The following INSL6 variants were observed in gnomAD, a reference collection of about 807,000 sequenced individuals.
INSL6 encodes insulin-like peptide INSL6.
A neutral mutation model predicts 9.4 loss-of-function variants in INSL6; 16 were observed. That is an observed-to-expected ratio of 1.70 (90% CI 1.15 to 2.59). The LOEUF (loss-of-function observed/expected upper bound fraction) is 2.59, where lower values mean the gene tolerates loss of function less well. Ranked by LOEUF, INSL6 falls within the 30% of genes most tolerant of loss-of-function variation. INSL6 has a pLI of 0.00. For synonymous variants in INSL6, 154 were observed against 96.9 expected, an observed-to-expected ratio of 1.59 and a Z score of -3.46; for missense variants, 391 against 257.3, an observed-to-expected ratio of 1.52 and a Z score of -3.56.
the INSL6 span, chr9:5,108,723 G>A: frequency 6.6e-6 from 1 of 151,934 alleles, no homozygotes; most frequent in African/African-American, 2.4e-5. Context: ...ATCCCTATGA[G>A]GGATAGTTAT....
chr9:5,176,268 A>G (rs1204924013), intron 1 of INSL6, among the ~76,000 whole-genome samples: 1 of 152,156 alleles, frequency 6.6e-6, no homozygotes, highest in African/African-American at 2.4e-5. Context: ...CACCTTTTCA[A>G]TAATTGGTCT....
the INSL6 span, among the ~76,000 whole-genome samples, chr9:5,081,453 A>G: frequency 2.0e-5 from 3 of 152,178 alleles, no homozygotes; most frequent in Admixed American, 1.3e-4. Flanking sequence ...CTTTCTCACA[A>G]TAAGTATCAG....
At chr9:5,009,933 T>G in the INSL6 span, among the ~76,000 whole-genome samples, 2 of 152,162 alleles carry the variant, frequency 1.3e-5, no homozygotes, top group East Asian at 3.9e-4. Context: ...ACATGCTGGC[T>G]AATTTTTAGA....
the INSL6 span, among the ~76,000 whole-genome samples, chr9:5,093,973 A>G: frequency 1.3e-5 from 2 of 152,108 alleles, no homozygotes; most frequent in African/African-American, 4.8e-5. Context: ...CCCCCCATAA[A>G]TGATGCTATC....
At chr9:5,154,369 T>C (rs58037502) in intron 2 of INSL6, among the ~76,000 whole-genome samples, 53,120 of 151,356 alleles carry the variant, frequency 0.35, 9,906 homozygotes, top group African/African-American at 0.5. Context: ...CCATAAAAAC[T>C]GTAGAAGAAA....
chr9:5,184,229 T>C (rs1009188896), intron 1 of INSL6, among the ~76,000 whole-genome samples: 4 of 152,210 alleles, frequency 2.6e-5, no homozygotes, highest in African/African-American at 7.2e-5. Context: ...GGGTCTCTTT[T>C]TGGCATGATA....
At chr9:5,087,178 G>T in the INSL6 span, among the ~76,000 whole-genome samples, 1 of 152,178 alleles carries the variant, frequency 6.6e-6, no homozygotes, top group Non-Finnish European at 1.5e-5. Flanking sequence ...AATTTATAAA[G>T]GAAAGAGGTT....
At chr9:5,086,562 C>A in the INSL6 span, among the ~76,000 whole-genome samples, 1 of 152,090 alleles carries the variant, frequency 6.6e-6, no homozygotes, top group African/African-American at 2.4e-5. Flanking sequence ...ACCTTACCTC[C>A]TGCCATTATT....
chr9:5,005,071 C>CATGCCTGG, the INSL6 span, among the ~76,000 whole-genome samples: 1 of 128,678 alleles, frequency 7.8e-6, no homozygotes, highest in Admixed American at 8.7e-5. Flanking sequence ...CATGTGCCAG[C>CATGCCTGG]ATGCCTGGCT....
At chr9:5,139,861 A>G (rs1824463663) in intron 2 of INSL6, among the ~76,000 whole-genome samples, 1 of 152,224 alleles carries the variant, frequency 6.6e-6, no homozygotes, top group African/African-American at 2.4e-5. Context: ...AATTTTAATC[A>G]TTTAACAAAT....
the INSL6 span, among the ~76,000 whole-genome samples, chr9:5,113,336 G>A: frequency 6.7e-6 from 1 of 149,618 alleles, no homozygotes; most frequent in Admixed American, 6.7e-5. Context: ...GAGATGCTGT[G>A]GAAACTTGGC....
At chr9:5,117,838 T>TAC in the INSL6 span, among the ~76,000 whole-genome samples, 2 of 152,178 alleles carry the variant, frequency 1.3e-5, no homozygotes, top group African/African-American at 4.8e-5. Flanking sequence ...GGGGACGTTG[T>TAC]ATTAATGAGA....
the INSL6 span, chr9:5,050,652 C>G: frequency 1.3e-6 from 2 of 1,584,852 alleles, no homozygotes; most frequent in Non-Finnish European, 8.6e-7. Context: ...ATGAAACTTA[C>G]GATGAGATAT....
At chr9:5,141,249 T>C (rs963791405) in intron 2 of INSL6, among the ~76,000 whole-genome samples, 66 of 152,310 alleles carry the variant, frequency 4.3e-4, no homozygotes, top group African/African-American at 1.5e-3. Flanking sequence ...TCAAATGGTA[T>C]TTCTGCCTCT....
chr9:5,171,278 A>T (rs1825175351), intron 1 of INSL6, among the ~76,000 whole-genome samples: 1 of 152,220 alleles, frequency 6.6e-6, no homozygotes, highest in South Asian at 2.1e-4. Flanking sequence ...TCTTCCATAA[A>T]ATTCAACATC....
chr9:5,054,547 G>A, the INSL6 span: 9 of 1,536,322 alleles, frequency 5.9e-6, no homozygotes, highest in Non-Finnish European at 7.0e-6. The surrounding 1 kb of genome is among the most constrained non-coding windows in gnomAD (Gnocchi z 4.9). Flanking sequence ...TTCTGTATGT[G>A]CTTTTTTATC....
At chr9:5,091,352 A>G in the INSL6 span, 2 of 152,884 alleles carry the variant, frequency 1.3e-5, no homozygotes, top group Non-Finnish European at 2.9e-5. Context: ...CCAAGTACTG[A>G]TATTTGAGGG....
chr9:5,131,007 G>A (rs530745731), intron 3 of INSL6, among the ~76,000 whole-genome samples: 1 of 152,252 alleles, frequency 6.6e-6, no homozygotes, highest in African/African-American at 2.4e-5. Context: ...GGGATTACAG[G>A]CGTGAGCCAC....
At chr9:5,121,549 A>AG (rs1823615862), downstream of INSL6, among the ~76,000 whole-genome samples, 1 of 152,188 alleles carries the variant, frequency 6.6e-6, no homozygotes, top group Non-Finnish European at 1.5e-5. Flanking sequence ...ACTGGGAGTA[A>AG]GGGTGCTATC....
Sources: gnomAD v4.1 joint callset for allele counts (sites outside exome capture counted in the v4.1 genomes callset) on GRCh38, gnomAD v4.1.1 for gene constraint, Gnocchi (gnomAD v3.1) non-coding constraint, MANE v1.5 for transcripts, NCBI Gene and HGNC (gene_info 2026-07-23, HGNC 2026-07-21) for gene names.